Variants in NCKAP1 observed in about 807,000 individuals in gnomAD.
The protein encoded by NCKAP1 is nck-associated protein 1.
Under a neutral mutation model 151.2 loss-of-function variants are expected in NCKAP1, and 21 were observed. The observed-to-expected ratio is 0.14, with a 90% CI of 0.10 to 0.20. The LOEUF (loss-of-function observed/expected upper bound fraction) is 0.20. Ranked by LOEUF, NCKAP1 falls within the 10% of genes least tolerant of loss-of-function variation. The pLI is 1.00. For missense variants in NCKAP1, 933 were observed against 1,352.1 expected (o/e 0.69, Z 4.86); for synonymous variants, 484 against 451.8 (o/e 1.07, Z -0.90).
intron 26 of NCKAP1, among the ~76,000 whole-genome samples, chr2:182,931,847 T>C (rs1019806489): frequency 2.0e-5 from 3 of 152,188 alleles, no homozygotes; most frequent in South Asian, 2.1e-4. Context: ...AAAGAAGATA[T>C]AGAAATAACC....
Position 183,002,222 on chromosome 2 carries a change from G to C in NCKAP1, c.417C>G (p.Thr139=). The C allele has an allele frequency of 1.3e-6, 2 of 1,574,066 alleles. No homozygotes were observed. Among genetic ancestry groups the C allele is most frequent in the Non-Finnish European group, 1.7e-6 (2 of 1,145,764 alleles). The change falls in exon 5 of 31, where the codon ACC becomes ACG. Residue 139 remains threonine, a synonymous_variant. Coordinates refer to ENST00000361354, the MANE Select transcript of NCKAP1 (RefSeq NM_013436.5). ...LTKNYLDLII[T]YTTLMILLSR... Reference sequence around the variant, plus strand: ...ACAGCAGTATCATTAGTGTTGTATAGGTTATAATTAAATCTAAGTAGTTCT... The same window carrying C: ...ACAGCAGTATCATTAGTGTTGTATACGTTATAATTAAATCTAAGTAGTTCT...
chr2:183,006,723 G>C (rs1343228284), intron 2 of NCKAP1, among the ~76,000 whole-genome samples: 1 of 152,040 alleles, frequency 6.6e-6, no homozygotes, highest in African/African-American at 2.4e-5. Flanking sequence ...CTAGAACCAA[G>C]TTTTCTTAAT....
At chr2:182,995,874 T>C in intron 6 of NCKAP1, 36 bp from the exon 7 acceptor site, 2 of 1,542,050 alleles carry the variant, frequency 1.3e-6, no homozygotes, top group South Asian at 2.2e-5. Flanking sequence ...GAAGAATAAT[T>C]TTCTTTCCTT....
intron 23 of NCKAP1, among the ~76,000 whole-genome samples, chr2:182,951,837 C>T (rs1462713869): frequency 2.0e-5 from 3 of 151,934 alleles, no homozygotes; most frequent in East Asian, 1.9e-4. Context: ...TAATATAAAT[C>T]ACCGTAGCTG....
intron 17 of NCKAP1, among the ~76,000 whole-genome samples, chr2:182,963,556 T>A (rs887261499): frequency 1.3e-5 from 2 of 152,108 alleles, no homozygotes; most frequent in Non-Finnish European, 2.9e-5. Flanking sequence ...AAGAGACCAC[T>A]TAGGTAATCC....
intron 2 of NCKAP1, among the ~76,000 whole-genome samples, chr2:183,009,929 G>C (rs530410405): frequency 6.6e-6 from 1 of 152,098 alleles, no homozygotes; most frequent in Non-Finnish European, 1.5e-5. Flanking sequence ...GAAAACATTT[G>C]TATTTAATTA....
rs1485338665 is a variant in NCKAP1, at chr2:183,009,475, G to GAAGGAAGGAAGGAAGGAAGC, written c.220-6151_220-6150insGCTTCCTTCCTTCCTTCCTT. Reference sequence around the variant, plus strand: ...GGAAGGAAGGAAGGAAGGAAGGAAGGAAGCAAGCAAGCAAGCAGGCAAGCA... The same window carrying GAAGGAAGGAAGGAAGGAAGC: ...GGAAGGAAGGAAGGAAGGAAGGAAGGAAGGAAGGAAGGAAGGAAGCAAGCAAGCAAGCAAGCAGGCAAGCA... On this transcript the variant is annotated intron_variant, in intron 2 of 30. Transcript: ENST00000361354. 6.5e-4 allele frequency among the ~76,000 whole-genome samples: 65 copies of GAAGGAAGGAAGGAAGGAAGC among 100,258 alleles called. 1 individual carries two copies. The highest frequency in any genetic ancestry group is 3.6e-3 in the South Asian group (9 of 2,508). The allele number at this position is 100,258 out of a possible 152,430, so 65.8% of individuals were successfully genotyped here. A position where few individuals can be genotyped will look rare whatever the true frequency, so the allele number is the denominator to read the frequency against.
chr2:183,009,164 A>C (rs1196281017), intron 2 of NCKAP1, among the ~76,000 whole-genome samples: 1 of 152,138 alleles, frequency 6.6e-6, no homozygotes, highest in Admixed American at 6.6e-5. Context: ...ACCTGAGGTC[A>C]GGAGTTCAAG....
chr2:182,976,973 AAAG>A (rs1454191625), intron 14 of NCKAP1, 22 bp from the exon 15 acceptor site: 2 of 1,434,016 alleles, frequency 1.4e-6, no homozygotes, highest in Admixed American at 2.4e-5. Context: ...GAAAAAAAAA[AAAG>A]ATTACAAAGC....
intron 18 of NCKAP1, among the ~76,000 whole-genome samples, chr2:182,961,260 C>T (rs1384209841): frequency 6.6e-6 from 1 of 152,178 alleles, no homozygotes; most frequent in Non-Finnish European, 1.5e-5. Flanking sequence ...ATAAAACATG[C>T]TGCTATAAAG....
rs1054509394 is a variant in NCKAP1, at chr2:183,023,501, C to A, written c.219+305G>T. 3.3e-5 allele frequency among the ~76,000 whole-genome samples: 5 copies of A among 152,132 alleles called. No homozygotes were observed. The East Asian group carries it at 9.6e-4, about 29-fold the overall frequency. On this transcript the variant is annotated intron_variant, in intron 2 of 30. Transcript: ENST00000361354. ...ATGACTATAAGAAACAAAAATATCC[C>A]AAGTATCCACACAAGAATTTGGAAT...
intron 14 of NCKAP1, among the ~76,000 whole-genome samples, chr2:182,977,416 G>C (rs1453968636): frequency 6.6e-6 from 1 of 152,106 alleles, no homozygotes; most frequent in African/African-American, 2.4e-5. Flanking sequence ...CTTGAACCTG[G>C]GAGGCAGAGG....
rs547502822 is a variant in NCKAP1, at chr2:182,951,357, G to A, written c.2601+1048C>T. On this transcript the variant is annotated intron_variant, in intron 23 of 30. Transcript: ENST00000361354. ...GAACTGTAAGCTACTTACCACTACC[G>A]TCTATCATTTTCTTAAGAAACTAAA... Among the ~76,000 whole-genome samples, 41 of 151,600 alleles carry A rather than the reference G, an allele frequency of 2.7e-4. 1 individual carries two copies. Among genetic ancestry groups the A allele is most frequent in the African/African-American group, 9.2e-4 (38 of 41,352 alleles).
chr2:183,019,699 T>C (rs1698759765), intron 2 of NCKAP1, among the ~76,000 whole-genome samples: 1 of 152,240 alleles, frequency 6.6e-6, no homozygotes, highest in African/African-American at 2.4e-5. Context: ...ACACATTAGA[T>C]AACAAGTGGC....
At chr2:183,005,952 C>A (rs915464237) in intron 2 of NCKAP1, among the ~76,000 whole-genome samples, 11 of 152,190 alleles carry the variant, frequency 7.2e-5, no homozygotes, top group African/African-American at 2.7e-4. Flanking sequence ...GAAATGCTAA[C>A]ATCTCCCTCC....
At chr2:182,997,872 C>A (rs1461426769) in intron 6 of NCKAP1, among the ~76,000 whole-genome samples, 1 of 151,786 alleles carries the variant, frequency 6.6e-6, no homozygotes, top group African/African-American at 2.4e-5. Context: ...AATACAACAA[C>A]AAAAAAAGAA....
chr2:182,944,649 T>C (rs1210312362), intron 23 of NCKAP1, among the ~76,000 whole-genome samples: 2 of 152,208 alleles, frequency 1.3e-5, no homozygotes. Flanking sequence ...GCTCTACTTC[T>C]TTAATTAGCA....
intron 26 of NCKAP1, among the ~76,000 whole-genome samples, chr2:182,932,042 C>T (rs898508098): frequency 6.6e-6 from 1 of 152,042 alleles, no homozygotes; most frequent in African/African-American, 2.4e-5. Flanking sequence ...AAATGACACA[C>T]CCAATTTGAA....
chr2:182,972,259 A>G (rs979499357), intron 15 of NCKAP1, among the ~76,000 whole-genome samples: 3 of 151,610 alleles, frequency 2.0e-5, no homozygotes, highest in Admixed American at 6.6e-5. Flanking sequence ...AACTGATTTT[A>G]AAAATGGGCA....
Sources: allele counts gnomAD v4.1 joint callset (sites outside exome capture counted in the v4.1 genomes callset), GRCh38; gene constraint gnomAD v4.1.1; transcripts MANE v1.5; gene names NCBI Gene and HGNC (gene_info 2026-07-23, HGNC 2026-07-21).